Variants in AOPEP observed in about 807,000 individuals in gnomAD.
AOPEP encodes the protein aminopeptidase O.
Under a neutral mutation model 98.1 loss-of-function variants are expected in AOPEP, and 77 were observed. The observed-to-expected ratio is 0.78, with a 90% CI of 0.65 to 0.95. The LOEUF is 0.95. Ranked by LOEUF, AOPEP falls within the 40% of genes least tolerant of loss-of-function variation. The pLI is 0.00. For missense variants in AOPEP, 1,024 were observed against 1,024.7 expected (o/e 1.00, Z 0.01); for synonymous variants, 346 against 365.3 (o/e 0.95, Z 0.60).
rs566371751 is a variant in AOPEP, at chr9:94,833,863, G to A, written c.1364+32861G>A. Among the ~76,000 whole-genome samples, 49 of 151,928 alleles carry A rather than the reference G, an allele frequency of 3.2e-4. 2 individuals carry two copies. The South Asian group carries it at 9.1e-3, about 28-fold the overall frequency. On this transcript the variant is annotated intron_variant, in intron 5 of 16. Transcript: ENST00000375315. ...GAAGGGGAGTTTGTCTTTATAGAAT[G>A]TAGCTAATAAATTAAGTAATGGTAG...
In AOPEP at chr9:94,726,761, T is replaced by A. The variant is rs1829265046; in HGVS notation, c.-136+10T>A. ...GACGCGGCTGAGACAGGTAACCTGT[T>A]CGCTCCCTGTTGGGTCCCTGCCTTC... On this transcript the variant is annotated intron_variant, in intron 1 of 16. Transcript: ENST00000375315. 1 of 152,274 alleles carries A rather than the reference T, an allele frequency of 6.6e-6. No individual in the cohort carries two copies. The highest frequency in any genetic ancestry group is 1.5e-5 in the Non-Finnish European group (1 of 68,082). 9.4% of individuals were successfully genotyped at this position (152,274 alleles called of 1,614,324 possible). A position where few individuals can be genotyped will look rare whatever the true frequency, so the allele number is the denominator to read the frequency against.
intron 5 of AOPEP, among the ~76,000 whole-genome samples, chr9:94,909,779 G>A (rs1039914250): frequency 3.3e-5 from 5 of 152,120 alleles, no homozygotes; most frequent in South Asian, 2.1e-4. Context: ...GAGGTGACTG[G>A]GCCTTTGTAA....
the AOPEP span, among the ~76,000 whole-genome samples, chr9:95,130,076 AAGGGAG>A: frequency 6.6e-6 from 1 of 152,216 alleles, no homozygotes; most frequent in Non-Finnish European, 1.5e-5. Context: ...GAAGAGAGGC[AAGGGAG>A]AGGCCAACTT....
chr9:94,819,066 A>C (rs979757789), intron 5 of AOPEP, among the ~76,000 whole-genome samples: 2 of 152,230 alleles, frequency 1.3e-5, no homozygotes, highest in Admixed American at 6.5e-5. Flanking sequence ...TTGGGATCCC[A>C]CCTGGATTAA....
intron 2 of AOPEP, among the ~76,000 whole-genome samples, chr9:94,769,353 T>A (rs942479560): frequency 6.6e-6 from 1 of 152,148 alleles, no homozygotes; most frequent in Admixed American, 6.5e-5. Context: ...TTATAAAGAC[T>A]CTTAACTCCC....
the AOPEP span, chr9:95,101,456 G>A: frequency 1.8e-6 from 1 of 555,384 alleles, no homozygotes. Flanking sequence ...GTCTGGCCGG[G>A]CGGGCACCAG....
At chr9:94,785,731 T>C (rs1844287853) in intron 3 of AOPEP, among the ~76,000 whole-genome samples, 1 of 152,202 alleles carries the variant, frequency 6.6e-6, no homozygotes, top group South Asian at 2.1e-4. Context: ...TTAATTCAAG[T>C]ACAGTGTGTT....
chr9:95,010,646 C>T (rs1178834457), intron 13 of AOPEP, among the ~76,000 whole-genome samples: 1 of 152,196 alleles, frequency 6.6e-6, no homozygotes, highest in African/African-American at 2.4e-5. Flanking sequence ...ACAATAGCTT[C>T]ATTGATACTT....
chr9:95,090,789 A>ATCTT (rs1241330625), downstream of AOPEP, among the ~76,000 whole-genome samples: 1 of 152,202 alleles, frequency 6.6e-6, no homozygotes, highest in Non-Finnish European at 1.5e-5. Flanking sequence ...ACCAGGGAAG[A>ATCTT]CGGTCAGGTC....
At chr9:95,017,244 C>T (rs2063084154) in intron 13 of AOPEP, among the ~76,000 whole-genome samples, 2 of 152,036 alleles carry the variant, frequency 1.3e-5, no homozygotes, top group African/African-American at 2.4e-5. Context: ...TACAGTCACA[C>T]ATCACTTAAT....
intron 10 of AOPEP, among the ~76,000 whole-genome samples, chr9:94,976,015 C>T (rs1589138561): frequency 6.6e-6 from 1 of 152,322 alleles, no homozygotes; most frequent in East Asian, 1.9e-4. Context: ...CATGCATGGC[C>T]TTCTTAGGAA....
chr9:94,983,099 C>T (rs2060296012), intron 11 of AOPEP, among the ~76,000 whole-genome samples: 1 of 152,158 alleles, frequency 6.6e-6, no homozygotes. Context: ...ACGATTTTGG[C>T]TCACTGCAAC....
chr9:94,787,515 C>G (rs1375514244), intron 3 of AOPEP, among the ~76,000 whole-genome samples: 1 of 152,214 alleles, frequency 6.6e-6, no homozygotes, highest in Non-Finnish European at 1.5e-5. Flanking sequence ...GCAAGAAAAT[C>G]AGGTCAAAAA....
the AOPEP span, among the ~76,000 whole-genome samples, chr9:95,124,783 G>A: frequency 9.2e-5 from 14 of 152,334 alleles, no homozygotes; most frequent in East Asian, 1.9e-4. Context: ...TGTCCTGCTC[G>A]GCAGACAGTG....
At chr9:94,952,120 A>T (rs1046183554) in intron 7 of AOPEP, among the ~76,000 whole-genome samples, 5 of 152,144 alleles carry the variant, frequency 3.3e-5, no homozygotes, top group Non-Finnish European at 2.9e-5. Flanking sequence ...CTGTCATTTT[A>T]AAAAAAATTT....
At position 94,924,117 on chromosome 9, in the gene AOPEP, G is replaced by A. The variant is rs1216558396; in HGVS notation, c.1496G>A (p.Trp499Ter). 6.6e-7 allele frequency: 1 copy of A among 1,506,526 alleles called. No individual in the cohort carries two copies. Among genetic ancestry groups the A allele is most frequent in the African/African-American group, 1.4e-5 (1 of 71,158 alleles). The allele number at this position is 1,506,526 out of a possible 1,614,324, so 93.3% of individuals were successfully genotyped here. ...GGGGCCCGAGACTGGACGGAGGAGT[G>A]GCTGAGTGAAGGCTTCGCCACTCAC... Reference protein sequence around the residue: ...AIGARDWTEEWLSEGFATHLE... With the variant: ...AIGARDWTEE Residue 499 changes from tryptophan to a stop codon, truncating the protein, a stop_gained, in exon 6 of 17, where the codon TGG becomes TAG. Transcript: ENST00000375315. LOFTEE classifies it high-confidence loss of function.
chr9:94,972,114 A>G lies in AOPEP; in HGVS notation c.1916+4313A>G, dbSNP rs1035690001. Among the ~76,000 whole-genome samples, 1 of 152,184 alleles carries G rather than the reference A, an allele frequency of 6.6e-6. No individual in the cohort carries two copies. Among genetic ancestry groups the G allele is most frequent in the African/African-American group, 2.4e-5 (1 of 41,452 alleles). ...CTGGAGAGGTGGAGCTATGGCAGGG[A>G]CGGTGACCGTGGTGGTGGGTTTGAG... is the stretch of plus-strand genomic sequence containing the variant. On this transcript the variant is annotated intron_variant, in intron 10 of 16. Transcript: ENST00000375315. The surrounding 1 kb of genome is among the most constrained non-coding windows in gnomAD (Gnocchi z 4.2).
At chr9:95,120,266 C>T in the AOPEP span, among the ~76,000 whole-genome samples, 16 of 152,232 alleles carry the variant, frequency 1.1e-4, no homozygotes, top group East Asian at 3.9e-4. Flanking sequence ...TTGTTGAAAA[C>T]GTTCCTTTCC....
chr9:95,041,993 A>G lies in AOPEP; in HGVS notation c.2116-18701A>G, dbSNP rs1270753713. On this transcript the variant is annotated intron_variant, in intron 13 of 16. Coordinates refer to ENST00000375315, the MANE Select transcript of AOPEP (RefSeq NM_001193329.3). ...TTCCTCTTTTAAAAGGAAACTGATG[A>G]ATTCAAGTGTAGCCAAGAGCTTTTA... 2.0e-5 allele frequency among the ~76,000 whole-genome samples: 3 copies of G among 152,232 alleles called. No homozygotes were observed. In the East Asian group the frequency reaches 5.8e-4, roughly 29 times the overall value.
Sources: gnomAD v4.1 joint callset for allele counts (sites outside exome capture counted in the v4.1 genomes callset) on GRCh38, gnomAD v4.1.1 for gene constraint, Gnocchi (gnomAD v3.1) non-coding constraint, MANE v1.5 for transcripts, NCBI Gene and HGNC (gene_info 2026-07-23, HGNC 2026-07-21) for gene names.